STAG3: variants seen among roughly 807,000 people sequenced by gnomAD.
STAG3 encodes the protein STAG3 cohesin complex component.
STAG3 carries 101 observed loss-of-function variants against 160.7 expected under a neutral mutation model. That is an observed-to-expected ratio of 0.63 (90% CI 0.54 to 0.74). The LOEUF is 0.74. Among genes scored for constraint, STAG3 ranks in the 30% least tolerant of loss-of-function variants. STAG3 has a pLI of 0.00. For missense variants in STAG3, 1,188 were observed against 1,517.4 expected (o/e 0.78, Z 3.61); for synonymous variants, 519 against 585.0 (o/e 0.89, Z 1.63).
chr7:100,205,699 G>A (rs370286409), intron 29 of STAG3, among the ~76,000 whole-genome samples: 2 of 151,958 alleles, frequency 1.3e-5, no homozygotes, highest in South Asian at 2.1e-4. Context: ...GCATGGTGGC[G>A]CGCATCTGTA....
At chr7:100,195,509 C>T in intron 9 of STAG3, 127 bp downstream of exon 9, 5 of 809,026 alleles carry the variant, frequency 6.2e-6, no homozygotes, top group Non-Finnish European at 7.8e-6. Context: ...GCAGCTGGAG[C>T]AAAAATTCTT....
At chr7:100,198,718 G>A in intron 13 of STAG3, 125 bp from the exon 14 acceptor site, 2 of 1,243,156 alleles carry the variant, frequency 1.6e-6, no homozygotes, top group South Asian at 1.2e-5. Context: ...CAGCTCCTTG[G>A]GGCTTTCCTT....
chr7:100,210,482 A>G (rs1802080295), intron 29 of STAG3, among the ~76,000 whole-genome samples: 1 of 151,928 alleles, frequency 6.6e-6, no homozygotes, highest in Admixed American at 6.5e-5. Flanking sequence ...CATTGCAATC[A>G]CTTCATTTTT....
At chr7:100,206,016 G>T (rs535130138) in intron 29 of STAG3, among the ~76,000 whole-genome samples, 2 of 151,842 alleles carry the variant, frequency 1.3e-5, no homozygotes, top group African/African-American at 4.8e-5. Flanking sequence ...TTTTGTTTTT[G>T]TTTTTGTTTA....
chr7:100,178,597 T>A (rs1799428103), intron 1 of STAG3, among the ~76,000 whole-genome samples: 1 of 145,466 alleles, frequency 6.9e-6, no homozygotes, highest in Non-Finnish European at 1.5e-5. Context: ...TTCCATTTAA[T>A]TTTTTTTTTT....
Position 100,198,911 on chromosome 7 carries a change from A to G in STAG3, c.1421A>G (p.Gln474Arg). ...GAGCAACGCCAGAGCCCAGGCGCCC[A>G]GAGGACTTTCTTCCAGCTTCTGCTG... is the stretch of plus-strand genomic sequence containing the variant. Reference protein sequence around the residue: ...GREQRQSPGAQRTFFQLLLSF... With the variant: ...GREQRQSPGARRTFFQLLLSF... The change falls in exon 14 of 34, where the codon CAG becomes CGG. Residue 474 changes from glutamine (Q) to arginine (R), a missense_variant. By Grantham distance (43) the Gln-to-Arg change is conservative (BLOSUM62 1). Coordinates refer to ENST00000615138, the MANE Select transcript of STAG3 (RefSeq NM_001282717.2). 6.2e-7 allele frequency: 1 copy of G among 1,612,256 alleles called. No homozygotes were observed. Among genetic ancestry groups the G allele is most frequent in the East Asian group, 2.2e-5 (1 of 44,890 alleles).
intron 1 of STAG3, among the ~76,000 whole-genome samples, chr7:100,179,502 A>T (rs1799506454): frequency 6.6e-6 from 1 of 151,768 alleles, no homozygotes; most frequent in Non-Finnish European, 1.5e-5. Flanking sequence ...TGGGATTACA[A>T]GTATGATCTA....
downstream of STAG3, chr7:100,215,165 CTCTT>C (rs1333384407): frequency 6.6e-6 from 1 of 152,250 alleles, no homozygotes; most frequent in African/African-American, 2.4e-5. Flanking sequence ...TTCAGCCTCT[CTCTT>C]TAGATAAAAT....
At chr7:100,192,021 C>T (rs1347755923) in intron 8 of STAG3, among the ~76,000 whole-genome samples, 1 of 152,220 alleles carries the variant, frequency 6.6e-6, no homozygotes, top group Non-Finnish European at 1.5e-5. Flanking sequence ...CTTATTTGTT[C>T]AAGGTCATGA....
rs1205708754 is a variant in STAG3 at position 100,211,626 on chromosome 7, G to A, written c.3518+87G>A. On this transcript the variant is annotated intron_variant, in intron 31 of 33. Transcript: ENST00000615138. ...CCTGTCTCACCCATTGCCTCTCTGT[G>A]GGTGCTTTTTGGACTTGTTTTAGCC... 5.3e-6 allele frequency: 8 copies of A among 1,515,152 alleles called. No individual in the cohort carries two copies. The Admixed American group carries it at 5.5e-5, about 10-fold the overall frequency. The allele number at this position is 1,515,152 out of a possible 1,614,324, so 93.9% of individuals were successfully genotyped here. A position where few individuals can be genotyped will look rare whatever the true frequency, so the allele number is the denominator to read the frequency against.
downstream of STAG3, chr7:100,218,608 C>T (rs397833356): frequency 7.7e-4 from 306 of 397,564 alleles, 4 homozygotes; most frequent in African/African-American, 5.1e-3. Context: ...AGGGATTTTT[C>T]TTTTTCAGAT....
Position 100,200,235 on chromosome 7 carries a change from G to A in STAG3, c.1678-1G>A. ...CCACCCCCAAGTGACTCTCATTCCA[G>A]GGCTTAACCTCTAAGGAGCGCAAGA... On this transcript the variant is annotated splice_acceptor_variant, in intron 16 of 33. Transcript: ENST00000615138. LOFTEE classifies it high-confidence loss of function. The A allele has an allele frequency of 4.3e-6, 7 of 1,610,620 alleles. No individual in the cohort carries two copies. Among genetic ancestry groups the A allele is most frequent in the Non-Finnish European group, 5.9e-6 (7 of 1,179,036 alleles).
intron 1 of STAG3, among the ~76,000 whole-genome samples, chr7:100,178,787 G>T (rs1799442185): frequency 6.6e-6 from 1 of 151,194 alleles, no homozygotes; most frequent in Non-Finnish European, 1.5e-5. Flanking sequence ...TAATCCCTTG[G>T]TGCTTTAGGT....
At chr7:100,206,277 A>G (rs965412386) in intron 29 of STAG3, among the ~76,000 whole-genome samples, 22 of 152,018 alleles carry the variant, frequency 1.4e-4, no homozygotes, top group Admixed American at 2.0e-4. Context: ...CAGCCTCCCA[A>G]AGTGCTGGGA....
At chr7:100,215,106 T>A (rs1253934931), downstream of STAG3, 1 of 152,204 alleles carries the variant, frequency 6.6e-6, no homozygotes, top group Non-Finnish European at 1.5e-5. Flanking sequence ...TGAAGACGGC[T>A]GTTGTCATTT....
rs542801621 is a variant in STAG3 at position 100,187,668 on chromosome 7, G to A, written c.434-785G>A. Among the ~76,000 whole-genome samples, 6 of 152,248 alleles carry A rather than the reference G, an allele frequency of 3.9e-5. 1 individual carries two copies. The highest frequency in any genetic ancestry group is 1.2e-4 in the African/African-American group (5 of 41,548). Reference sequence around the variant, plus strand: ...TTGGGGTGGGCAGTGTAGGCAAGTCGGCTTAACCTCCTTGGGCTTTATGAG... The same window carrying A: ...TTGGGGTGGGCAGTGTAGGCAAGTCAGCTTAACCTCCTTGGGCTTTATGAG... On this transcript the variant is annotated intron_variant, in intron 5 of 33. Transcript: ENST00000615138.
At chr7:100,199,931 T>A (rs1473884338) in intron 16 of STAG3, among the ~76,000 whole-genome samples, 2 of 147,880 alleles carry the variant, frequency 1.4e-5, no homozygotes, top group African/African-American at 5.0e-5. Flanking sequence ...CTGGGCGTGG[T>A]AGCGGGCACC....
rs181392358 is a variant in STAG3, at chr7:100,203,671, C to T, written c.2701-350C>T. On this transcript the variant is annotated intron_variant, in intron 25 of 33. Coordinates refer to ENST00000615138, the MANE Select transcript of STAG3 (RefSeq NM_001282717.2). Reference sequence around the variant, plus strand: ...CTGGGACTACAGGCACCCACCACCACGCCCGGCTAATTTTTTGTATTTTTA... The same window carrying T: ...CTGGGACTACAGGCACCCACCACCATGCCCGGCTAATTTTTTGTATTTTTA... 3.4e-3 allele frequency among the ~76,000 whole-genome samples: 510 copies of T among 151,920 alleles called. 2 individuals are homozygous for T. Among genetic ancestry groups the T allele is most frequent in the Non-Finnish European group, 4.5e-3 (308 of 67,960 alleles).
intron 29 of STAG3, among the ~76,000 whole-genome samples, chr7:100,210,310 G>A (rs903014867): frequency 2.0e-5 from 3 of 152,142 alleles, no homozygotes; most frequent in African/African-American, 7.2e-5. Context: ...GAGTGTGACT[G>A]TTTACAGTTA....
Sources: allele counts gnomAD v4.1 joint callset (sites outside exome capture counted in the v4.1 genomes callset), GRCh38; gene constraint gnomAD v4.1.1; transcripts MANE v1.5; gene names NCBI Gene and HGNC (gene_info 2026-07-23, HGNC 2026-07-21).